The following TMEM117 variants were observed in gnomAD, a reference collection of about 807,000 sequenced individuals.
TMEM117 encodes the protein transmembrane protein 117.
Under a neutral mutation model 52.4 loss-of-function variants are expected in TMEM117, and 27 were observed. The ratio of observed to expected loss-of-function variants is 0.51; its 90% confidence interval spans 0.38 to 0.71. TMEM117 has a LOEUF of 0.71. TMEM117 is among the 30% of genes least tolerant of loss of function. The probability of loss-of-function intolerance (pLI) is 0.00; values close to 1 mark genes in which losing one functional copy is unlikely to be tolerated. For missense variants in TMEM117, 556 were observed against 630.5 expected, an observed-to-expected ratio of 0.88 and a Z score of 1.26; for synonymous variants, 215 against 206.3, an observed-to-expected ratio of 1.04 and a Z score of -0.36.
intron 4 of TMEM117, among the ~76,000 whole-genome samples, chr12:44,202,582 A>G (rs1373927268): frequency 2.6e-5 from 4 of 152,178 alleles, no homozygotes; most frequent in African/African-American, 9.7e-5. Context: ...TATGTTCATC[A>G]GGGATACTGG....
chr12:44,150,640 AT>A (rs1189129907), intron 4 of TMEM117, among the ~76,000 whole-genome samples: 9 of 152,162 alleles, frequency 5.9e-5, no homozygotes, highest in African/African-American at 2.2e-4. Flanking sequence ...AAATGTGGTC[AT>A]TTTGCTTTTG....
chr12:43,928,338 A>C (rs1944814798), intron 2 of TMEM117, among the ~76,000 whole-genome samples: 1 of 151,948 alleles, frequency 6.6e-6, no homozygotes, highest in Admixed American at 6.5e-5. Context: ...ATTACTTACT[A>C]GTTTATCACC....
intron 4 of TMEM117, among the ~76,000 whole-genome samples, chr12:44,208,726 T>TTTG (rs1949605478): frequency 3.1e-4 from 1 of 3,234 alleles, no homozygotes; most frequent in African/African-American, 4.4e-4. Context: ...AGAAAGAATG[T>TTTG]TTTTTTTTTT....
At chr12:44,333,295 A>C (rs1009543365) in intron 6 of TMEM117, among the ~76,000 whole-genome samples, 5 of 152,036 alleles carry the variant, frequency 3.3e-5, no homozygotes, top group African/African-American at 4.8e-5. Context: ...TGGGCATAAA[A>C]TGTGGTGGAT....
In TMEM117 at chr12:43,952,081, A is replaced by G. The variant is rs117648546; in HGVS notation, c.410+7739A>G. Reference sequence around the variant, plus strand: ...TTAGAAGACAAACAAACAGAAAGCAACAATAACAACAGCAACAACAACAAA... The same window carrying G: ...TTAGAAGACAAACAAACAGAAAGCAGCAATAACAACAGCAACAACAACAAA... On this transcript the variant is annotated intron_variant, in intron 3 of 7. Transcript: ENST00000266534. Among the ~76,000 whole-genome samples the G allele has an allele frequency of 4.5e-3, 689 of 152,308 alleles. 13 individuals carry two copies. The East Asian group carries it at 0.051, about 11-fold the overall frequency.
chr12:43,829,949 G>A, the TMEM117 span, among the ~76,000 whole-genome samples: 1,817 of 152,026 alleles, frequency 0.012, 32 homozygotes, highest in East Asian at 0.072. Context: ...TTAGCTGGGC[G>A]TGGTGGTGCG....
At chr12:43,975,880 A>G (rs1339143013) in intron 3 of TMEM117, among the ~76,000 whole-genome samples, 2 of 152,184 alleles carry the variant, frequency 1.3e-5, no homozygotes, top group South Asian at 2.1e-4. Context: ...ATGGAAAAAC[A>G]TACACTGAAA....
intron 5 of TMEM117, among the ~76,000 whole-genome samples, chr12:44,292,480 T>C (rs754104761): frequency 6.6e-6 from 1 of 152,054 alleles, no homozygotes; most frequent in Non-Finnish European, 1.5e-5. Flanking sequence ...TGTTACATCC[T>C]ATCTTCTACT....
At chr12:44,072,475 T>C (rs770906387) in intron 3 of TMEM117, among the ~76,000 whole-genome samples, 1 of 152,130 alleles carries the variant, frequency 6.6e-6, no homozygotes, top group Non-Finnish European at 1.5e-5. Flanking sequence ...TGAGTTACTT[T>C]TGTGATAAGT....
intron 3 of TMEM117, among the ~76,000 whole-genome samples, chr12:44,124,049 T>TTC (rs397963590): frequency 6.6e-6 from 1 of 152,114 alleles, no homozygotes. Flanking sequence ...GAATTTTTTT[T>TTC]CCATTTGTTT....
rs191795948 is a variant in TMEM117 at position 44,054,725 on chromosome 12, T to C, written c.411-88800T>C. Among the ~76,000 whole-genome samples, 273 of 151,974 alleles carry C rather than the reference T, an allele frequency of 1.8e-3. 1 individual carries two copies. Among genetic ancestry groups the C allele is most frequent in the Non-Finnish European group, 3.0e-3 (203 of 67,950 alleles). On this transcript the variant is annotated intron_variant, in intron 3 of 7. Coordinates refer to ENST00000266534, the MANE Select transcript of TMEM117 (RefSeq NM_032256.3). Reference sequence around the variant, plus strand: ...TATTTTTTTTTCAATTTTTTTTTTCTTCCTCATCTTCATTTTCTTTTTTTT... The same window carrying C: ...TATTTTTTTTTCAATTTTTTTTTTCCTCCTCATCTTCATTTTCTTTTTTTT...
At chr12:44,237,780 T>A (rs1024176931) in intron 5 of TMEM117, among the ~76,000 whole-genome samples, 11 of 152,124 alleles carry the variant, frequency 7.2e-5, no homozygotes, top group African/African-American at 2.2e-4. Flanking sequence ...CATTATCTGA[T>A]ATAATTCATG....
chr12:43,972,508 T>TGGGGTGGCC (rs1565775898), intron 3 of TMEM117, among the ~76,000 whole-genome samples: 1 of 152,224 alleles, frequency 6.6e-6, no homozygotes, highest in Non-Finnish European at 1.5e-5. Context: ...CGCTGGTGGC[T>TGGGGTGGCC]GGGGTGGCCA....
intron 4 of TMEM117, 106 bp downstream of exon 4, chr12:44,143,730 C>A: frequency 5.4e-6 from 4 of 736,168 alleles, no homozygotes; most frequent in Non-Finnish European, 8.7e-6. Flanking sequence ...AATTACCTCT[C>A]TTTGAGTGAA....
At chr12:43,916,137 G>A (rs912936624) in intron 2 of TMEM117, among the ~76,000 whole-genome samples, 30 of 152,150 alleles carry the variant, frequency 2.0e-4, no homozygotes, top group African/African-American at 7.2e-4. Flanking sequence ...GAGGCATGGA[G>A]GGAGAATGTT....
chr12:44,189,793 A>G (rs919981002), intron 4 of TMEM117, among the ~76,000 whole-genome samples: 2 of 152,254 alleles, frequency 1.3e-5, no homozygotes, highest in Non-Finnish European at 2.9e-5. Flanking sequence ...GAGATATAGT[A>G]GTGATTATAG....
intron 6 of TMEM117, among the ~76,000 whole-genome samples, chr12:44,374,562 C>A (rs1345255552): frequency 6.6e-6 from 1 of 151,622 alleles, no homozygotes; most frequent in African/African-American, 2.4e-5. Context: ...CCCTTCATTT[C>A]CGTAACTTAT....
chr12:43,958,501 A>G (rs1056593164), intron 3 of TMEM117, among the ~76,000 whole-genome samples: 3 of 152,166 alleles, frequency 2.0e-5, no homozygotes, highest in Non-Finnish European at 2.9e-5. Flanking sequence ...GATACAGGCA[A>G]TTTTGAAAAT....
intron 4 of TMEM117, among the ~76,000 whole-genome samples, chr12:44,198,800 G>A (rs902851503): frequency 6.6e-6 from 1 of 152,020 alleles, no homozygotes; most frequent in African/African-American, 2.4e-5. Flanking sequence ...CCAAAGGAAG[G>A]GGCACCATAG....
Sources: gnomAD v4.1 joint callset for allele counts (sites outside exome capture counted in the v4.1 genomes callset) on GRCh38, gnomAD v4.1.1 for gene constraint, MANE v1.5 for transcripts, NCBI Gene and HGNC (gene_info 2026-07-23, HGNC 2026-07-21) for gene names.